Variants in CTNNA2 observed in about 807,000 individuals in gnomAD.
CTNNA2 encodes the protein catenin alpha 2.
A neutral mutation model predicts 101.0 loss-of-function variants in CTNNA2; 42 were observed. The ratio of observed to expected loss-of-function variants is 0.42; its 90% CI spans 0.32 to 0.54. CTNNA2 has a LOEUF of 0.54. CTNNA2 is among the 20% of genes least tolerant of loss of function. CTNNA2 has a pLI of 0.14. For synonymous variants in CTNNA2, 450 were observed against 456.4 expected (o/e 0.99, Z 0.18); for missense variants, 871 against 1,223.1 (o/e 0.71, Z 4.29).
intron 3 of CTNNA2, among the ~76,000 whole-genome samples, chr2:79,786,808 G>A (rs965386326): frequency 2.0e-5 from 3 of 151,982 alleles, no homozygotes; most frequent in Non-Finnish European, 2.9e-5. Flanking sequence ...AATTTCCCAG[G>A]ATTTCTCAAC....
At chr2:79,545,161 T>C (rs1342740905) in intron 1 of CTNNA2, among the ~76,000 whole-genome samples, 1 of 152,168 alleles carries the variant, frequency 6.6e-6, no homozygotes, top group Admixed American at 6.5e-5. Context: ...GAATTGGACA[T>C]AGTGCAATAC....
At chr2:80,246,074 G>A (rs147097458) in intron 7 of CTNNA2, among the ~76,000 whole-genome samples, 12 of 152,126 alleles carry the variant, frequency 7.9e-5, no homozygotes, top group African/African-American at 2.7e-4. Flanking sequence ...GATTATAGGC[G>A]AGATCCACCA....
chr2:80,576,861 G>T (rs1695099652), intron 13 of CTNNA2, among the ~76,000 whole-genome samples: 1 of 151,396 alleles, frequency 6.6e-6, no homozygotes, highest in African/African-American at 2.4e-5. Flanking sequence ...AGCTACTTGG[G>T]AGGCTGTGGG....
At chr2:79,713,301 C>G (rs1404857473) in intron 2 of CTNNA2, among the ~76,000 whole-genome samples, 2 of 152,106 alleles carry the variant, frequency 1.3e-5, no homozygotes, top group African/African-American at 4.8e-5. Flanking sequence ...TATTTAGCAG[C>G]CGGGAACTGT....
At chr2:79,905,023 A>G (rs1051226193) in intron 6 of CTNNA2, among the ~76,000 whole-genome samples, 1 of 152,208 alleles carries the variant, frequency 6.6e-6, no homozygotes, top group Non-Finnish European at 1.5e-5. Context: ...GAGACTAGAG[A>G]GACTGTTATA....
At chr2:80,331,870 G>T (rs1169949288) in intron 7 of CTNNA2, among the ~76,000 whole-genome samples, 1 of 152,000 alleles carries the variant, frequency 6.6e-6, no homozygotes, top group Non-Finnish European at 1.5e-5. Context: ...CTCGATCTGG[G>T]AAAAAATAAT....
chr2:79,536,792 C>G (rs181622256), intron 1 of CTNNA2, among the ~76,000 whole-genome samples: 1 of 151,856 alleles, frequency 6.6e-6, no homozygotes, highest in East Asian at 1.9e-4. Flanking sequence ...ACCTCTACCC[C>G]CCGGGTTCAA....
At chr2:79,972,939 A>G (rs1486625080) in intron 7 of CTNNA2, among the ~76,000 whole-genome samples, 1 of 152,136 alleles carries the variant, frequency 6.6e-6, no homozygotes, top group Non-Finnish European at 1.5e-5. Context: ...TTGGCATGGT[A>G]ACGTGACAAG....
chr2:80,434,172 G>A (rs1271199328), intron 9 of CTNNA2, among the ~76,000 whole-genome samples: 2 of 152,138 alleles, frequency 1.3e-5, no homozygotes, highest in Non-Finnish European at 2.9e-5. Context: ...AGCCTATCTT[G>A]GAGAACTTTA....
chr2:80,196,916 G>A (rs1477692603), intron 7 of CTNNA2, among the ~76,000 whole-genome samples: 1 of 152,158 alleles, frequency 6.6e-6, no homozygotes, highest in African/African-American at 2.4e-5. Context: ...TCTTGCCTGT[G>A]CCCAATCCTC....
chr2:80,273,341 C>T (rs563421267), intron 7 of CTNNA2, among the ~76,000 whole-genome samples: 127 of 152,182 alleles, frequency 8.3e-4, no homozygotes, highest in Admixed American at 7.1e-3. Context: ...CTGAATCTGT[C>T]CATTTCCTAC....
rs536920312 is a variant in CTNNA2 at position 80,506,471 on chromosome 2, G to A, written c.1291-38511G>A. On this transcript the variant is annotated intron_variant, in intron 9 of 18. Coordinates refer to ENST00000402739, the MANE Select transcript of CTNNA2 (RefSeq NM_001282597.3). ...GGAGTGTAAGGGAGGTCAGGTCAAA[G>A]AGGGAATAAGGTCTACATAGGTCAC... Among the ~76,000 whole-genome samples, 40 of 152,260 alleles carry A rather than the reference G, an allele frequency of 2.6e-4. No homozygotes were observed. In the East Asian group the frequency reaches 7.8e-3, roughly 30 times the overall value.
chr2:79,388,881 A>T (rs1291418916), intron 4 of CTNNA2, among the ~76,000 whole-genome samples: 1 of 152,168 alleles, frequency 6.6e-6, no homozygotes, highest in Non-Finnish European at 1.5e-5. Flanking sequence ...TCATCCCAGA[A>T]ATATTTTTTC....
chr2:79,541,344 T>TATAC (rs1479619497), intron 1 of CTNNA2, among the ~76,000 whole-genome samples: 2 of 142,350 alleles, frequency 1.4e-5, no homozygotes, highest in Non-Finnish European at 3.1e-5. Flanking sequence ...TATATATATA[T>TATAC]ACACACACAC....
At chr2:80,603,790 T>G (rs1337662646) in intron 15 of CTNNA2, 1 of 332,548 alleles carries the variant, frequency 3.0e-6, no homozygotes, top group Non-Finnish European at 5.5e-6. Flanking sequence ...CTATAAAATT[T>G]TCATTTCTCT....
At chr2:79,576,051 A>G (rs1055301631) in intron 1 of CTNNA2, among the ~76,000 whole-genome samples, 4 of 152,162 alleles carry the variant, frequency 2.6e-5, no homozygotes, top group Non-Finnish European at 5.9e-5. Context: ...CCCTGTAATT[A>G]TTCATTTCCT....
chr2:79,626,925 A>C (rs1679348961), intron 1 of CTNNA2, among the ~76,000 whole-genome samples: 1 of 152,162 alleles, frequency 6.6e-6, no homozygotes, highest in Non-Finnish European at 1.5e-5. Flanking sequence ...TTATAGCAAT[A>C]AAATTTAAAA....
At chr2:79,925,932 T>G (rs1468282173) in intron 7 of CTNNA2, among the ~76,000 whole-genome samples, 1 of 152,068 alleles carries the variant, frequency 6.6e-6, no homozygotes, top group Non-Finnish European at 1.5e-5. Flanking sequence ...TTGGGAGATA[T>G]GAATTATTTA....
At chr2:80,058,178 G>A (rs9973886) in intron 7 of CTNNA2, among the ~76,000 whole-genome samples, 83,615 of 152,090 alleles carry the variant, frequency 0.55, 25,566 homozygotes, top group African/African-American at 0.82. Context: ...GCTGTAATAG[G>A]ATACTGGGTC....
Sources: allele counts gnomAD v4.1 joint callset (sites outside exome capture counted in the v4.1 genomes callset), GRCh38; gene constraint gnomAD v4.1.1; transcripts MANE v1.5; gene names NCBI Gene and HGNC (gene_info 2026-07-23, HGNC 2026-07-21).